The following FOXK2 variants were observed in gnomAD, a reference collection of about 807,000 sequenced individuals.
The protein encoded by FOXK2 is forkhead box protein K2.
FOXK2 carries 24 observed loss-of-function variants against 53.3 expected under a neutral mutation model. That is an observed-to-expected ratio of 0.45 (90% confidence interval 0.33 to 0.63). The LOEUF (loss-of-function observed/expected upper bound fraction) is 0.63. Ranked by LOEUF, FOXK2 falls within the 30% of genes least tolerant of loss-of-function variation. The probability of loss-of-function intolerance (pLI) is 0.03; values close to 1 mark genes in which losing one functional copy is unlikely to be tolerated. For synonymous variants in FOXK2, 505 were observed against 407.1 expected, an observed-to-expected ratio of 1.24 and a Z score of -2.89; for missense variants, 952 against 910.5, an observed-to-expected ratio of 1.05 and a Z score of -0.59.
intron 8 of FOXK2, among the ~76,000 whole-genome samples, chr17:82,588,586 C>G (rs2045221340): frequency 6.6e-6 from 1 of 152,126 alleles, no homozygotes; most frequent in African/African-American, 2.4e-5. Context: ...GTCAGAATCA[C>G]CCAGAAGGCT....
chr17:82,520,118 G>A lies in FOXK2; in HGVS notation c.230G>A (p.Arg77Gln). The A allele has an allele frequency of 1.3e-6, 2 of 1,525,620 alleles. No homozygotes were observed. The highest frequency in any genetic ancestry group is 1.8e-6 in the Non-Finnish European group (2 of 1,139,470). The allele number at this position is 1,525,620 out of a possible 1,614,324, so 94.5% of individuals were successfully genotyped here. ...ATGGGCCACTCGAGCTTCATCTCCC[G>A]GCGCCACCTCGAGATCTTCACGCCC... ...VSMGHSSFIS[R>Q]RHLEIFTPPG... is the part of the protein sequence containing the mutation. The change falls in exon 1 of 9, where the codon CGG becomes CAG. Residue 77 changes from arginine (R) to glutamine (Q), a missense_variant. Arg to Gln is a conservative substitution (Grantham distance 43). Around this residue, in one of 5 missense-constraint regions of FOXK2, gnomAD observed 163 missense variants for 165.5 expected, o/e 0.98. Transcript: ENST00000335255.
chr17:82,537,881 C>T (rs994549926), intron 1 of FOXK2, among the ~76,000 whole-genome samples: 1 of 148,056 alleles, frequency 6.8e-6, no homozygotes, highest in Admixed American at 6.8e-5. Context: ...GAGATTGCAC[C>T]ACTGCACTCC....
chr17:82,587,830 G>A (rs540221710), intron 8 of FOXK2, among the ~76,000 whole-genome samples: 24 of 152,168 alleles, frequency 1.6e-4, no homozygotes, highest in Admixed American at 3.3e-4. Context: ...GCTGGCTGCC[G>A]AGTCAACTCT....
At chr17:82,559,334 G>A in intron 1 of FOXK2, 1 of 455,340 alleles carries the variant, frequency 2.2e-6, no homozygotes, top group Non-Finnish European at 4.4e-6. Context: ...CGACCGTGCG[G>A]ACTCCACAGC....
intron 8 of FOXK2, among the ~76,000 whole-genome samples, chr17:82,597,712 A>G (rs2045330883): frequency 6.6e-6 from 1 of 151,872 alleles, no homozygotes; most frequent in Admixed American, 6.6e-5. Context: ...ATGCAGTGGC[A>G]TGACCTTGGC....
chr17:82,570,157 G>C (rs1185454798), intron 3 of FOXK2, among the ~76,000 whole-genome samples: 1 of 151,870 alleles, frequency 6.6e-6, no homozygotes, highest in Non-Finnish European at 1.5e-5. Context: ...GGGAGGTGGA[G>C]CTTGCAGTGA....
At chr17:82,540,269 G>A (rs1324522103) in intron 1 of FOXK2, among the ~76,000 whole-genome samples, 1 of 145,018 alleles carries the variant, frequency 6.9e-6, no homozygotes, top group Non-Finnish European at 1.5e-5. Flanking sequence ...CAACAAGAGC[G>A]AAACTGTCTC....
At chr17:82,561,608 C>T (rs926538463) in intron 1 of FOXK2, among the ~76,000 whole-genome samples, 3 of 152,128 alleles carry the variant, frequency 2.0e-5, no homozygotes, top group African/African-American at 4.8e-5. Flanking sequence ...GAGGACTGGC[C>T]GTCCTGCGTG....
At chr17:82,567,996 C>T (rs2044870569) in intron 2 of FOXK2, 58 bp from the exon 3 acceptor site, 2 of 1,415,582 alleles carry the variant, frequency 1.4e-6, no homozygotes, top group Admixed American at 5.8e-5. Flanking sequence ...GTTGCTGAAG[C>T]ACAGTAGGAT....
At chr17:82,555,866 C>T (rs1263021420) in intron 1 of FOXK2, among the ~76,000 whole-genome samples, 3 of 111,826 alleles carry the variant, frequency 2.7e-5, no homozygotes, top group South Asian at 2.8e-4. Flanking sequence ...CCAGCCTGGG[C>T]GAAAGCAAGA....
chr17:82,539,478 C>T (rs925161919), intron 1 of FOXK2, among the ~76,000 whole-genome samples: 1 of 151,768 alleles, frequency 6.6e-6, no homozygotes. Context: ...TGGACCCTGT[C>T]TCTACAAAAA....
intron 4 of FOXK2, among the ~76,000 whole-genome samples, chr17:82,573,250 T>A (rs1459132016): frequency 6.6e-6 from 1 of 151,952 alleles, no homozygotes; most frequent in Non-Finnish European, 1.5e-5. Flanking sequence ...GTGGAGGGGC[T>A]TGGGGGTCTT....
At chr17:82,529,843 G>C (rs954171637) in intron 1 of FOXK2, among the ~76,000 whole-genome samples, 1 of 152,218 alleles carries the variant, frequency 6.6e-6, no homozygotes, top group African/African-American at 2.4e-5. Flanking sequence ...CCTTAAGGCA[G>C]TAGTAGCCTA....
chr17:82,584,188 G>A lies in FOXK2; in HGVS notation c.1279G>A (p.Gly427Arg). The change falls in exon 6 of 9, where the codon GGG (glycine) becomes AGG (arginine). Residue 427 changes from glycine to arginine, a missense_variant and splice_region_variant. Gly to Arg is a moderately radical substitution (Grantham distance 125). Around this residue, in one of 5 missense-constraint regions of FOXK2, gnomAD observed 551 missense variants for 385.1 expected, o/e 1.43. Coordinates refer to ENST00000335255, the MANE Select transcript of FOXK2 (RefSeq NM_004514.4). ...AGCCCGGTTTGCCCAGAGCGCCCCA[G>A]GTGAGACAGCGGGAGAGGAAGCGAG... ...QEARFAQSAP[G>R]SPLSSQPVLI... The A allele has an allele frequency of 6.3e-7, 1 of 1,591,582 alleles. No individual in the cohort carries two copies. Among genetic ancestry groups the A allele is most frequent in the Non-Finnish European group, 8.6e-7 (1 of 1,168,086 alleles).
At chr17:82,529,141 T>A (rs952747996) in intron 1 of FOXK2, among the ~76,000 whole-genome samples, 10 of 152,128 alleles carry the variant, frequency 6.6e-5, no homozygotes, top group Middle Eastern at 6.8e-3. Context: ...TAAGTTTTAA[T>A]AATTTTTTTT....
intron 1 of FOXK2, among the ~76,000 whole-genome samples, chr17:82,531,793 G>A (rs1459616856): frequency 6.6e-6 from 1 of 152,228 alleles, no homozygotes; most frequent in Non-Finnish European, 1.5e-5. Flanking sequence ...GAAGGCCTAG[G>A]ACGTGACTGT....
chr17:82,527,143 A>G (rs1449574078), intron 1 of FOXK2, among the ~76,000 whole-genome samples: 2 of 152,120 alleles, frequency 1.3e-5, no homozygotes, highest in African/African-American at 4.8e-5. Flanking sequence ...TGTTCATAGC[A>G]GAGGGCAAAT....
Position 82,601,553 on chromosome 17 carries a change from C to T in FOXK2, c.*54C>T, listed in dbSNP as rs1020492229. ...TCAACTCTGTGGTGCCAAAAGGAGA[C>T]GCGGCCTCCCGCCAGCACTCGGGGG... On this transcript the variant is annotated 3_prime_UTR_variant, in exon 9 of 9. Transcript: ENST00000335255. 83 of 1,507,098 alleles carry T rather than the reference C, an allele frequency of 5.5e-5. No individual in the cohort carries two copies. The highest frequency in any genetic ancestry group is 1.8e-4 in the Middle Eastern group (1 of 5,612). The allele number at this position is 1,507,098 out of a possible 1,614,324, so 93.4% of individuals were successfully genotyped here.
chr17:82,542,766 C>T (rs539097358), intron 1 of FOXK2, among the ~76,000 whole-genome samples: 2 of 152,158 alleles, frequency 1.3e-5, no homozygotes, highest in East Asian at 1.9e-4. Flanking sequence ...GGCTCATGCC[C>T]AGTACTTTGG....
Sources: allele counts gnomAD v4.1 joint callset (sites outside exome capture counted in the v4.1 genomes callset), GRCh38; gene constraint gnomAD v4.1.1; regional missense constraint gnomAD v4.1.1; transcripts MANE v1.5; gene names NCBI Gene and HGNC (gene_info 2026-07-23, HGNC 2026-07-21).